INIP: variants seen among roughly 807,000 people sequenced by gnomAD.
INIP encodes SOSS complex subunit C.
A neutral mutation model predicts 14.0 loss-of-function variants in INIP; 9 were observed. The ratio of observed to expected loss-of-function variants is 0.64; its 90% CI spans 0.39 to 1.12. The LOEUF (loss-of-function observed/expected upper bound fraction) is 1.12. INIP is among the 50% of genes most tolerant of loss of function. INIP has a pLI of 0.01. For missense variants in INIP, 78 were observed against 122.7 expected (o/e 0.64, Z 1.72); for synonymous variants, 37 against 41.5 (o/e 0.89, Z 0.41).
intron 2 of INIP, among the ~76,000 whole-genome samples, chr9:112,710,212 C>G (rs1325479139): frequency 1.3e-5 from 2 of 152,210 alleles, no homozygotes; most frequent in East Asian, 3.8e-4. Flanking sequence ...CATTCTACTC[C>G]TATGCAGCAT....
At chr9:112,716,159 G>A (rs1447983897) in intron 2 of INIP, among the ~76,000 whole-genome samples, 1 of 151,884 alleles carries the variant, frequency 6.6e-6, no homozygotes, top group Non-Finnish European at 1.5e-5. Flanking sequence ...TGCAACCTCC[G>A]CCTCCTGGGT....
At chr9:112,711,715 G>A (rs147343294) in intron 2 of INIP, among the ~76,000 whole-genome samples, 1 of 152,156 alleles carries the variant, frequency 6.6e-6, no homozygotes, top group Non-Finnish European at 1.5e-5. Context: ...CACACAAATC[G>A]CACATGGCTA....
intron 2 of INIP, among the ~76,000 whole-genome samples, chr9:112,711,686 C>T (rs113032725): frequency 8.5e-5 from 13 of 152,136 alleles, no homozygotes; most frequent in African/African-American, 3.1e-4. Flanking sequence ...GAATGTGGAC[C>T]TATGATTAGT....
At chr9:112,689,724 C>T in intron 3 of INIP, 107 bp from the exon 4 acceptor site, 1 of 733,844 alleles carries the variant, frequency 1.4e-6, no homozygotes, top group Non-Finnish European at 2.4e-6. Flanking sequence ...GTATCCTTGA[C>T]AAAAACTGCA....
In INIP at chr9:112,694,213, C is replaced by T. The variant is rs1352362308; in HGVS notation, c.46G>A (p.Val16Ile). ...SGQGFQNKNRVAILAELDKEK... is the reference protein window; with the variant it reads ...SGQGFQNKNRIAILAELDKEK... ...TTGTCCAGTTCTGCCAAGATTGCAA[C>T]TCTATTTTTGTTTTGAAAACCTAAA... The change falls in exon 3 of 5, where the codon GTT becomes ATT. Residue 16 changes from valine (V) to isoleucine (I), a missense_variant. Val to Ile is a conservative substitution (Grantham distance 29). Coordinates refer to ENST00000374242, the MANE Select transcript of INIP (RefSeq NM_021218.3). 6.2e-7 allele frequency: 1 copy of T among 1,608,592 alleles called. No individual in the cohort carries two copies. Among genetic ancestry groups the T allele is most frequent in the Non-Finnish European group, 8.5e-7 (1 of 1,177,416 alleles).
intron 4 of INIP, among the ~76,000 whole-genome samples, chr9:112,688,170 C>T (rs1214376695): frequency 2.0e-5 from 3 of 152,068 alleles, no homozygotes; most frequent in Admixed American, 6.6e-5. Context: ...AGGAAATGGA[C>T]AGTAATACAG....
At chr9:112,695,255 GA>G (rs60657759) in intron 2 of INIP, among the ~76,000 whole-genome samples, 21,383 of 64,698 alleles carry the variant, frequency 0.33, 1,875 homozygotes, top group Admixed American at 0.37. Context: ...CAGAACTACA[GA>G]AAAAAAAAAA....
chr9:112,711,034 A>C (rs1479055478), intron 2 of INIP, among the ~76,000 whole-genome samples: 1 of 151,632 alleles, frequency 6.6e-6, no homozygotes, highest in Non-Finnish European at 1.5e-5. Context: ...AAAAAAGAAA[A>C]AAAATTAGCC....
chr9:112,714,338 G>A (rs1372167575), intron 2 of INIP, among the ~76,000 whole-genome samples: 1 of 152,184 alleles, frequency 6.6e-6, no homozygotes, highest in Non-Finnish European at 1.5e-5. Context: ...GAGTCAAACA[G>A]GAATTCAGAC....
In INIP at chr9:112,702,081, T is replaced by TACACACAC. The variant is rs543325577; in HGVS notation, c.26-7856_26-7849dup. On this transcript the variant is annotated intron_variant, in intron 2 of 4. Coordinates refer to ENST00000374242, the MANE Select transcript of INIP (RefSeq NM_021218.3). ...TGTCTCAAAAATATATATATACACA[T>TACACACAC]ACACACACACACACACATAATTCTT... Among the ~76,000 whole-genome samples, 4 of 150,016 alleles carry TACACACAC rather than the reference T, an allele frequency of 2.7e-5. No homozygotes were observed. The East Asian group carries it at 7.7e-4, about 29-fold the overall frequency.
chr9:112,699,665 T>G (rs1588080054), intron 2 of INIP, among the ~76,000 whole-genome samples: 1 of 152,208 alleles, frequency 6.6e-6, no homozygotes, highest in Non-Finnish European at 1.5e-5. Context: ...CTGGGGTTTT[T>G]GGAACATATT....
At chr9:112,715,896 G>A (rs1407081313) in intron 2 of INIP, among the ~76,000 whole-genome samples, 1 of 151,062 alleles carries the variant, frequency 6.6e-6, no homozygotes, top group East Asian at 1.9e-4. Context: ...AAACACATTA[G>A]CCTAGGCTTA....
At chr9:112,687,683 C>A (rs765894291) in intron 4 of INIP, 50 bp from the exon 5 acceptor site, 2 of 1,074,998 alleles carry the variant, frequency 1.9e-6, no homozygotes, top group Non-Finnish European at 2.7e-6. Context: ...AATAGAGTCA[C>A]AATTCTTCGA....
rs1036416010 is a variant in INIP at position 112,685,239 on chromosome 9, A to G, written c.*2299T>C. On this transcript the variant is annotated 3_prime_UTR_variant, in exon 5 of 5. Transcript: ENST00000374242. ...ACTCTATGCATGCACCAGCACACCT[A>G]GCCAATCTTTTTTTTTTTTTTTTAA... is the stretch of plus-strand genomic sequence containing the variant. 6 of 148,918 alleles carry G rather than the reference A, an allele frequency of 4.0e-5. No homozygotes were observed. The highest frequency in any genetic ancestry group is 1.5e-4 in the African/African-American group (6 of 40,512). The allele number at this position is 148,918 out of a possible 1,614,324, so 9.2% of individuals were successfully genotyped here.
At chr9:112,690,263 G>A (rs1426811749) in intron 3 of INIP, among the ~76,000 whole-genome samples, 1 of 152,160 alleles carries the variant, frequency 6.6e-6, no homozygotes, top group Non-Finnish European at 1.5e-5. Flanking sequence ...GTCCGAGGCA[G>A]GAGGATCATT....
chr9:112,684,523 C>T lies in INIP; in HGVS notation c.*3015G>A, dbSNP rs1220057358. ...AGTGAGCTATGATTATACCACTGCA[C>T]TCCAGCCTGGATGACAGAGCAGGAC... On this transcript the variant is annotated 3_prime_UTR_variant, in exon 5 of 5. Coordinates refer to ENST00000374242, the MANE Select transcript of INIP (RefSeq NM_021218.3). 2 of 152,208 alleles carry T rather than the reference C, an allele frequency of 1.3e-5. No homozygotes were observed. The highest frequency in any genetic ancestry group is 1.3e-4 in the Admixed American group (2 of 15,266). The allele number at this position is 152,208 out of a possible 1,614,324, so 9.4% of individuals were successfully genotyped here. A position where few individuals can be genotyped will look rare whatever the true frequency, so the allele number is the denominator to read the frequency against.
intron 3 of INIP, 32 bp downstream of exon 3, chr9:112,694,099 C>CA (rs1837994317): frequency 8.6e-6 from 12 of 1,388,448 alleles, no homozygotes; most frequent in Middle Eastern, 2.1e-4. Flanking sequence ...CAAAACAAAA[C>CA]AAACAAAAAA....
At position 112,686,529 on chromosome 9, in the gene INIP, C is replaced by T. The variant is rs1837673176; in HGVS notation, c.*1009G>A. On this transcript the variant is annotated 3_prime_UTR_variant, in exon 5 of 5. Coordinates refer to ENST00000374242, the MANE Select transcript of INIP (RefSeq NM_021218.3). ...TCTTTTTTTCTTTGAGACAAAGACT[C>T]ACTGTCACCCAGGCTGGAGTGCAGT... 1 of 152,204 alleles carries T rather than the reference C, an allele frequency of 6.6e-6. No individual in the cohort carries two copies. The highest frequency in any genetic ancestry group is 2.1e-4 in the South Asian group (1 of 4,832). The allele number at this position is 152,204 out of a possible 1,614,324, so 9.4% of individuals were successfully genotyped here. A position where few individuals can be genotyped will look rare whatever the true frequency, so the allele number is the denominator to read the frequency against.
At chr9:112,705,174 A>T (rs897109543) in intron 2 of INIP, among the ~76,000 whole-genome samples, 2 of 151,496 alleles carry the variant, frequency 1.3e-5, no homozygotes, top group African/African-American at 2.4e-5. Flanking sequence ...TTAATATTTT[A>T]AAATACATTT....
Sources: gnomAD v4.1 joint callset for allele counts (sites outside exome capture counted in the v4.1 genomes callset) on GRCh38, gnomAD v4.1.1 for gene constraint, MANE v1.5 for transcripts, NCBI Gene and HGNC (gene_info 2026-07-23, HGNC 2026-07-21) for gene names.